The following CNTNAP2 variants were observed in gnomAD, a reference collection of about 807,000 sequenced individuals.
CNTNAP2 encodes the protein contactin-associated protein-like 2.
In CNTNAP2, 98 loss-of-function variants were observed where a neutral mutation model predicts 155.2. The observed-to-expected ratio is 0.63, with a 90% CI of 0.54 to 0.75. CNTNAP2 has a LOEUF of 0.75. CNTNAP2 is among the 30% of genes least tolerant of loss of function. The pLI, the probability that CNTNAP2 is intolerant of heterozygous loss-of-function variation, is 0.00. For missense variants in CNTNAP2, 1,727 were observed against 1,688.1 expected, an observed-to-expected ratio of 1.02 and a Z score of -0.40; for synonymous variants, 651 against 631.2, an observed-to-expected ratio of 1.03 and a Z score of -0.47.
chr7:147,238,966 A>G (rs981084926), intron 8 of CNTNAP2, among the ~76,000 whole-genome samples: 10 of 152,232 alleles, frequency 6.6e-5, no homozygotes, highest in African/African-American at 2.4e-4. Context: ...GATTTAGAGC[A>G]ACTAAACTAT....
At chr7:147,001,027 T>C (rs1798412114) in intron 3 of CNTNAP2, among the ~76,000 whole-genome samples, 1 of 152,098 alleles carries the variant, frequency 6.6e-6, no homozygotes, top group South Asian at 2.1e-4. Flanking sequence ...CTGGTATTTG[T>C]GTCCAAGGCA....
intron 10 of CNTNAP2, among the ~76,000 whole-genome samples, chr7:147,450,382 G>C (rs1797810341): frequency 6.6e-6 from 1 of 152,100 alleles, no homozygotes. Context: ...CCAGCAACCT[G>C]AATTACCTTG....
intron 4 of CNTNAP2, among the ~76,000 whole-genome samples, chr7:147,095,608 A>G (rs1800514896): frequency 6.6e-6 from 1 of 151,788 alleles, no homozygotes; most frequent in East Asian, 1.9e-4. Flanking sequence ...ATTGTCTTTC[A>G]TTGTTTTTCT....
At chr7:148,146,761 C>T (rs1454554993) in intron 16 of CNTNAP2, among the ~76,000 whole-genome samples, 1 of 152,130 alleles carries the variant, frequency 6.6e-6, no homozygotes, top group African/African-American at 2.4e-5. Flanking sequence ...ACCCTCATTA[C>T]ACCAACAATA....
At chr7:146,280,206 A>G (rs1375545405) in intron 1 of CNTNAP2, among the ~76,000 whole-genome samples, 1 of 152,194 alleles carries the variant, frequency 6.6e-6, no homozygotes, top group Non-Finnish European at 1.5e-5. Flanking sequence ...AAATTCAGCT[A>G]AAATATGACA....
chr7:146,529,569 T>C (rs1411361179), intron 1 of CNTNAP2, among the ~76,000 whole-genome samples: 1 of 152,130 alleles, frequency 6.6e-6, no homozygotes, highest in Non-Finnish European at 1.5e-5. Flanking sequence ...ACATGAGGCA[T>C]GCCATTTGTA....
Position 146,596,430 on chromosome 7 carries a change from C to T in CNTNAP2, c.98-177841C>T, listed in dbSNP as rs143379901. Among the ~76,000 whole-genome samples, 23 of 151,928 alleles carry T rather than the reference C, an allele frequency of 1.5e-4. No homozygotes were observed. The East Asian group carries it at 4.3e-3, about 28-fold the overall frequency. ...GGAAATAATTAGCAATCAGAAACATCGTGATTAGAAGAGTGCATAGGTTAT... is the reference window on the plus strand; with the variant it reads ...GGAAATAATTAGCAATCAGAAACATTGTGATTAGAAGAGTGCATAGGTTAT... On this transcript the variant is annotated intron_variant, in intron 1 of 23. Coordinates refer to ENST00000361727, the MANE Select transcript of CNTNAP2 (RefSeq NM_014141.6).
chr7:147,644,512 C>T lies in CNTNAP2; in HGVS notation c.2098+5206C>T, dbSNP rs113666627. 3.3e-3 allele frequency among the ~76,000 whole-genome samples: 496 copies of T among 152,292 alleles called. 2 individuals carry two copies. The highest frequency in any genetic ancestry group is 0.011 in the African/African-American group (443 of 41,560). ...TGGCATGCACCTGTAATCCCAGCTA[C>T]TTGAGAGGCTGACACAGGAAAATCA... is the stretch of plus-strand genomic sequence containing the variant. On this transcript the variant is annotated intron_variant, in intron 13 of 23. Transcript: ENST00000361727.
At position 147,241,223 on chromosome 7, in the gene CNTNAP2, C is replaced by T. The variant is rs184459022; in HGVS notation, c.1349-58918C>T. On this transcript the variant is annotated intron_variant, in intron 8 of 23. Transcript: ENST00000361727. Reference sequence around the variant, plus strand: ...TACTGTCTTTAAGAGCAAGGACAAACACAATTTTCACTTTGTTAGAATTCT... The same window carrying T: ...TACTGTCTTTAAGAGCAAGGACAAATACAATTTTCACTTTGTTAGAATTCT... Among the ~76,000 whole-genome samples the T allele has an allele frequency of 7.5e-4, 115 of 152,322 alleles. No individual in the cohort carries two copies. In the South Asian group the frequency reaches 0.023, roughly 31 times the overall value.
intron 1 of CNTNAP2, among the ~76,000 whole-genome samples, chr7:146,489,833 G>A (rs1468416659): frequency 1.4e-5 from 2 of 142,756 alleles, no homozygotes; most frequent in Non-Finnish European, 3.0e-5. Flanking sequence ...CTTTCTCAGT[G>A]TGGCTGAGTT....
chr7:148,386,649 G>GT (rs1399223758), intron 22 of CNTNAP2, among the ~76,000 whole-genome samples: 8 of 152,306 alleles, frequency 5.3e-5, no homozygotes, highest in African/African-American at 1.9e-4. Flanking sequence ...GAGGACAGAC[G>GT]TAGAAATGAG....
At chr7:146,791,855 C>A (rs1585092419) in intron 2 of CNTNAP2, among the ~76,000 whole-genome samples, 1 of 152,298 alleles carries the variant, frequency 6.6e-6, no homozygotes, top group East Asian at 1.9e-4. Context: ...AGATCTAAAA[C>A]CCTGTGATGC....
chr7:148,128,823 T>C (rs796409257), intron 16 of CNTNAP2, among the ~76,000 whole-genome samples: 18 of 152,250 alleles, frequency 1.2e-4, no homozygotes, highest in African/African-American at 4.3e-4. Flanking sequence ...ATTCTAGAGT[T>C]CTGCCTCTCT....
At chr7:147,944,532 G>A (rs1800786533) in intron 14 of CNTNAP2, among the ~76,000 whole-genome samples, 1 of 152,176 alleles carries the variant, frequency 6.6e-6, no homozygotes, top group Admixed American at 6.5e-5. Context: ...ATAATGTTAA[G>A]AGACATATGC....
At chr7:147,209,903 T>C (rs1803109432) in intron 8 of CNTNAP2, among the ~76,000 whole-genome samples, 1 of 152,084 alleles carries the variant, frequency 6.6e-6, no homozygotes, top group Non-Finnish European at 1.5e-5. Flanking sequence ...CTTGTGTATG[T>C]TGAACCAGCC....
At chr7:146,783,554 C>G (rs1372495779) in intron 2 of CNTNAP2, among the ~76,000 whole-genome samples, 1 of 152,194 alleles carries the variant, frequency 6.6e-6, no homozygotes, top group Non-Finnish European at 1.5e-5. Context: ...AGCAAACTCA[C>G]CAGGCAATGA....
chr7:146,322,054 C>T (rs1368265542), intron 1 of CNTNAP2, among the ~76,000 whole-genome samples: 1 of 152,012 alleles, frequency 6.6e-6, no homozygotes, highest in Admixed American at 6.6e-5. Flanking sequence ...ATGGCCAGGC[C>T]ACATGGAAAT....
intron 1 of CNTNAP2, among the ~76,000 whole-genome samples, chr7:146,594,351 T>C (rs1798827800): frequency 1.3e-5 from 2 of 152,092 alleles, no homozygotes; most frequent in South Asian, 4.1e-4. Context: ...TGGTAATCAT[T>C]ATCTCTTCTA....
At position 146,472,248 on chromosome 7, in the gene CNTNAP2, G is replaced by A. The variant is rs973746491; in HGVS notation, c.98-302023G>A. Among the ~76,000 whole-genome samples the A allele has an allele frequency of 5.3e-5, 8 of 152,110 alleles. No homozygotes were observed. The South Asian group carries it at 8.3e-4, about 16-fold the overall frequency. ...TGGAGGTCTGCGCTATATATGGCTCGTAAATCAATAACAAATGAGTCCACA... is the reference window on the plus strand; with the variant it reads ...TGGAGGTCTGCGCTATATATGGCTCATAAATCAATAACAAATGAGTCCACA... On this transcript the variant is annotated intron_variant, in intron 1 of 23. Transcript: ENST00000361727.
Sources: gnomAD v4.1 joint callset for allele counts (sites outside exome capture counted in the v4.1 genomes callset) on GRCh38, gnomAD v4.1.1 for gene constraint, MANE v1.5 for transcripts, NCBI Gene and HGNC (gene_info 2026-07-23, HGNC 2026-07-21) for gene names.